The following RCAN2 variants were observed in gnomAD, a reference collection of about 807,000 sequenced individuals.
RCAN2 encodes the protein regulator of calcineurin 2, also known as calcipressin-2.
A neutral mutation model predicts 23.6 loss-of-function variants in RCAN2; 9 were observed. That is an observed-to-expected ratio of 0.38 (90% confidence interval 0.23 to 0.67). The LOEUF (loss-of-function observed/expected upper bound fraction) is 0.67, where lower values mean the gene tolerates loss of function less well. Among genes scored for constraint, RCAN2 ranks in the 30% least tolerant of loss-of-function variants. RCAN2 has a pLI of 0.51. For missense variants in RCAN2, 273 were observed against 302.3 expected (o/e 0.90, Z 0.72); for synonymous variants, 109 against 115.7 (o/e 0.94, Z 0.37).
intron 2 of RCAN2, among the ~76,000 whole-genome samples, chr6:46,377,851 T>A (rs1161491330): frequency 6.6e-6 from 1 of 152,172 alleles, no homozygotes; most frequent in Admixed American, 6.5e-5. Flanking sequence ...GAAACACTTG[T>A]TAATTATATC....
At chr6:46,329,972 G>A (rs1248462478) in intron 2 of RCAN2, among the ~76,000 whole-genome samples, 1 of 152,204 alleles carries the variant, frequency 6.6e-6, no homozygotes, top group Non-Finnish European at 1.5e-5. Context: ...AAGCCTGTTT[G>A]GCTAATGAGC....
chr6:46,247,360 A>C (rs763249617), intron 3 of RCAN2, among the ~76,000 whole-genome samples: 1 of 152,112 alleles, frequency 6.6e-6, no homozygotes, highest in Non-Finnish European at 1.5e-5. Flanking sequence ...CATAAAATTA[A>C]CCACTTGAAA....
At chr6:46,286,898 G>A (rs568075188) in intron 2 of RCAN2, among the ~76,000 whole-genome samples, 1 of 152,074 alleles carries the variant, frequency 6.6e-6, no homozygotes, top group African/African-American at 2.4e-5. Context: ...CCAGCTACTC[G>A]GGAGGCTGAG....
intron 2 of RCAN2, among the ~76,000 whole-genome samples, chr6:46,383,242 G>T (rs1416901554): frequency 6.6e-6 from 1 of 151,166 alleles, no homozygotes; most frequent in Admixed American, 6.6e-5. Context: ...ACCAGAGAAG[G>T]CTTAGTGGAG....
intron 2 of RCAN2, among the ~76,000 whole-genome samples, chr6:46,406,024 C>T (rs1766395245): frequency 6.6e-6 from 1 of 152,264 alleles, no homozygotes; most frequent in African/African-American, 2.4e-5. Context: ...AAGTCCCTCA[C>T]TGCCCGGGGC....
chr6:46,298,583 G>A (rs1332815151), intron 2 of RCAN2, among the ~76,000 whole-genome samples: 1 of 152,048 alleles, frequency 6.6e-6, no homozygotes, highest in Non-Finnish European at 1.5e-5. Context: ...CACTTTGGTA[G>A]ATACCGTACA....
chr6:46,339,112 A>G (rs1764228896), intron 2 of RCAN2, among the ~76,000 whole-genome samples: 1 of 151,268 alleles, frequency 6.6e-6, no homozygotes, highest in Non-Finnish European at 1.5e-5. Context: ...CCACCCATCC[A>G]ATGACTACTT....
rs144364750 is a variant in RCAN2 at position 46,230,458 on chromosome 6, C to G, written c.572-7157G>C. Among the ~76,000 whole-genome samples, 977 of 152,290 alleles carry G rather than the reference C, an allele frequency of 6.4e-3. 11 individuals are homozygous for G. Among genetic ancestry groups the G allele is most frequent in the African/African-American group, 0.023 (948 of 41,556 alleles). On this transcript the variant is annotated intron_variant, in intron 4 of 4. Transcript: ENST00000371374. Reference sequence around the variant, plus strand: ...GCTTCCTGGCTGCTTTGTTTATCTACTCAAGCCTCAGCAATGGTGGATGCC... The same window carrying G: ...GCTTCCTGGCTGCTTTGTTTATCTAGTCAAGCCTCAGCAATGGTGGATGCC...
At chr6:46,296,066 CGTGTGTGTGTGT>C (rs60947209) in intron 2 of RCAN2, among the ~76,000 whole-genome samples, 82 of 138,532 alleles carry the variant, frequency 5.9e-4, no homozygotes, top group Admixed American at 2.9e-3. Context: ...CCAATAGCTT[CGTGTGTGTGTGT>C]GTGTGTGTGT....
intron 2 of RCAN2, among the ~76,000 whole-genome samples, chr6:46,259,534 T>C (rs1248417817): frequency 6.6e-6 from 1 of 152,224 alleles, no homozygotes; most frequent in Non-Finnish European, 1.5e-5. Flanking sequence ...GGTTTTTCTA[T>C]ACTCTCACAT....
intron 2 of RCAN2, among the ~76,000 whole-genome samples, chr6:46,385,176 A>G (rs1429267892): frequency 6.6e-6 from 1 of 152,204 alleles, no homozygotes; most frequent in Non-Finnish European, 1.5e-5. Context: ...TTTGCTTCAA[A>G]CCATTTTAAA....
chr6:46,394,826 T>A (rs1766043696), intron 2 of RCAN2, among the ~76,000 whole-genome samples: 1 of 152,100 alleles, frequency 6.6e-6, no homozygotes, highest in African/African-American at 2.4e-5. Flanking sequence ...GAAATAATAA[T>A]AAAGAGATGA....
At chr6:46,430,406 T>C (rs1767161443) in intron 2 of RCAN2, among the ~76,000 whole-genome samples, 1 of 152,168 alleles carries the variant, frequency 6.6e-6, no homozygotes, top group African/African-American at 2.4e-5. Context: ...GATGGCTTTC[T>C]ATATCATGAG....
At chr6:46,392,672 G>A (rs1765969751) in intron 2 of RCAN2, among the ~76,000 whole-genome samples, 1 of 152,110 alleles carries the variant, frequency 6.6e-6, no homozygotes, top group Non-Finnish European at 1.5e-5. Context: ...ATTATTTGTT[G>A]TGCCATGAGT....
At chr6:46,393,042 T>A (rs1362873746) in intron 2 of RCAN2, among the ~76,000 whole-genome samples, 5 of 152,232 alleles carry the variant, frequency 3.3e-5, no homozygotes, top group Admixed American at 6.5e-5. Flanking sequence ...TTGGGTTAAG[T>A]GAATTTGGTT....
chr6:46,235,530 C>G (rs1424208300), intron 4 of RCAN2, among the ~76,000 whole-genome samples: 1 of 152,192 alleles, frequency 6.6e-6, no homozygotes, highest in Non-Finnish European at 1.5e-5. Flanking sequence ...CGTCTCTCTA[C>G]AAGTTGACTA....
intron 1 of RCAN2, among the ~76,000 whole-genome samples, chr6:46,486,512 C>T (rs1282738805): frequency 6.6e-6 from 1 of 152,068 alleles, no homozygotes; most frequent in Non-Finnish European, 1.5e-5. Context: ...AGGCATGGCC[C>T]GAGTCTTCAG....
At chr6:46,480,424 C>T (rs1768828325) in intron 1 of RCAN2, among the ~76,000 whole-genome samples, 1 of 152,146 alleles carries the variant, frequency 6.6e-6, no homozygotes, top group South Asian at 2.1e-4. Context: ...ACTATCTTAC[C>T]AAAACATAAG....
At chr6:46,314,641 T>C (rs1423437259) in intron 2 of RCAN2, among the ~76,000 whole-genome samples, 1 of 152,142 alleles carries the variant, frequency 6.6e-6, no homozygotes, top group African/African-American at 2.4e-5. Context: ...TAGTTAAGCA[T>C]TACTGCGGTG....
Sources: gnomAD v4.1 joint callset for allele counts (sites outside exome capture counted in the v4.1 genomes callset) on GRCh38, gnomAD v4.1.1 for gene constraint, MANE v1.5 for transcripts, NCBI Gene and HGNC (gene_info 2026-07-23, HGNC 2026-07-21) for gene names.